DTNB: variants seen among roughly 807,000 people sequenced by gnomAD.
DTNB encodes dystrobrevin beta, also known as DTN-B.
A neutral mutation model predicts 90.7 loss-of-function variants in DTNB; 63 were observed. The ratio of observed to expected loss-of-function variants is 0.69; its 90% CI spans 0.57 to 0.86. The LOEUF (loss-of-function observed/expected upper bound fraction) is 0.86, where lower values mean the gene tolerates loss of function less well. DTNB is among the 40% of genes least tolerant of loss of function. DTNB has a pLI of 0.00. For synonymous variants in DTNB, 277 were observed against 286.7 expected, an observed-to-expected ratio of 0.97 and a Z score of 0.34; for missense variants, 744 against 807.1, an observed-to-expected ratio of 0.92 and a Z score of 0.95.
At chr2:25,532,299 TAA>T (rs2078386567) in intron 8 of DTNB, among the ~76,000 whole-genome samples, 1 of 146,510 alleles carries the variant, frequency 6.8e-6, no homozygotes, top group Non-Finnish European at 1.5e-5. Context: ...ACTAAAAGGC[TAA>T]GAGCACACAG....
chr2:25,496,941 C>A (rs1165220546), intron 9 of DTNB, among the ~76,000 whole-genome samples: 1 of 151,936 alleles, frequency 6.6e-6, no homozygotes, highest in East Asian at 1.9e-4. Context: ...TAAACACAAT[C>A]ATCATTAGCC....
At chr2:25,544,117 G>A (rs1190933574) in intron 8 of DTNB, among the ~76,000 whole-genome samples, 2 of 152,162 alleles carry the variant, frequency 1.3e-5, no homozygotes, top group East Asian at 3.9e-4. Flanking sequence ...GCAGCCCAGC[G>A]TGGGGGATGT....
intron 9 of DTNB, among the ~76,000 whole-genome samples, chr2:25,513,813 T>C (rs1194619565): frequency 6.6e-6 from 1 of 150,646 alleles, no homozygotes; most frequent in Non-Finnish European, 1.5e-5. Context: ...ACTGATATCA[T>C]TTAATAACCT....
At chr2:25,383,738 G>A (rs2038587429) in intron 19 of DTNB, 98 bp downstream of exon 19, 2 of 1,610,666 alleles carry the variant, frequency 1.2e-6, no homozygotes, top group South Asian at 1.1e-5. Context: ...TCTGGGAAAG[G>A]TGGTGGCAGG....
chr2:25,400,583 A>G (rs2149641258), intron 16 of DTNB, among the ~76,000 whole-genome samples: 1 of 152,350 alleles, frequency 6.6e-6, no homozygotes. Context: ...TATGTTGTCC[A>G]ATGATAGGCA....
intron 16 of DTNB, among the ~76,000 whole-genome samples, chr2:25,390,442 G>A (rs770127516): frequency 6.6e-6 from 1 of 150,678 alleles, no homozygotes; most frequent in African/African-American, 2.4e-5. Flanking sequence ...TTTTCTTTTC[G>A]TCTTCTCTTT....
At chr2:25,639,265 G>A (rs1351793352) in intron 2 of DTNB, 171 bp from the exon 3 acceptor site, 4 of 536,302 alleles carry the variant, frequency 7.5e-6, no homozygotes, top group Non-Finnish European at 1.3e-5. Flanking sequence ...GGAAACACGT[G>A]CATCTCCAGT....
At chr2:25,526,766 G>A (rs75031611) in intron 9 of DTNB, among the ~76,000 whole-genome samples, 1,768 of 152,164 alleles carry the variant, frequency 0.012, 38 homozygotes, top group African/African-American at 0.04. Context: ...AAACATACAC[G>A]ACGAGCACAT....
intron 9 of DTNB, among the ~76,000 whole-genome samples, chr2:25,498,244 C>G (rs2069477137): frequency 2.0e-5 from 3 of 152,104 alleles, no homozygotes; most frequent in Non-Finnish European, 4.4e-5. Flanking sequence ...ACCTCAGTGC[C>G]CGGGAAATAA....
rs530329843 is a variant in DTNB at position 25,653,432 on chromosome 2, T to TAA, written c.-1-773_-1-772dup. On this transcript the variant is annotated intron_variant, in intron 1 of 20. Coordinates refer to ENST00000406818, the MANE Select transcript of DTNB (RefSeq NM_021907.5). ...TAAGTCCAATTAAACGTTTTTTTTT[T>TAA]AAAAAAAAAAAAAAGAAAGAAGGAA... Among the ~76,000 whole-genome samples the TAA allele has an allele frequency of 1.2e-3, 171 of 138,550 alleles. 1 individual carries two copies. The highest frequency in any genetic ancestry group is 3.9e-3 in the African/African-American group (145 of 37,382). The allele number at this position is 138,550 out of a possible 152,430, so 90.9% of individuals were successfully genotyped here.
chr2:25,648,793 T>C (rs894395828), intron 2 of DTNB, among the ~76,000 whole-genome samples: 1 of 152,092 alleles, frequency 6.6e-6, no homozygotes, highest in Admixed American at 6.5e-5. Context: ...AAACATCTGA[T>C]AAAATTCAAT....
At chr2:25,636,030 A>G (rs2077053922) in intron 3 of DTNB, among the ~76,000 whole-genome samples, 1 of 152,228 alleles carries the variant, frequency 6.6e-6, no homozygotes, top group African/African-American at 2.4e-5. Context: ...GTTCATATTC[A>G]ATGAATGAAT....
intron 9 of DTNB, among the ~76,000 whole-genome samples, chr2:25,507,598 A>C (rs572276765): frequency 1.2e-4 from 18 of 152,090 alleles, no homozygotes; most frequent in Non-Finnish European, 2.1e-4. Flanking sequence ...TATTACCTCT[A>C]CTGTTATCCA....
chr2:25,378,287 C>T (rs377659215), intron 20 of DTNB, among the ~76,000 whole-genome samples: 2 of 152,200 alleles, frequency 1.3e-5, no homozygotes, highest in South Asian at 4.1e-4. Flanking sequence ...TCTCTCCAAG[C>T]CCCTGGGGCG....
intron 8 of DTNB, among the ~76,000 whole-genome samples, chr2:25,574,223 A>G (rs1356338157): frequency 6.6e-6 from 1 of 152,350 alleles, no homozygotes; most frequent in Non-Finnish European, 1.5e-5. Context: ...TAAGCTCCAC[A>G]GGGCAGGAGT....
intron 4 of DTNB, 82 bp from the exon 5 acceptor site, chr2:25,607,403 C>T (rs550133571): frequency 7.7e-5 from 103 of 1,330,176 alleles, no homozygotes; most frequent in Non-Finnish European, 1.0e-4. Flanking sequence ...CTGAGCAACC[C>T]AGTAAGTTGA....
chr2:25,395,713 T>C (rs1454445234), intron 16 of DTNB, among the ~76,000 whole-genome samples: 1 of 152,162 alleles, frequency 6.6e-6, no homozygotes, highest in East Asian at 1.9e-4. Flanking sequence ...TTTGTAGGTA[T>C]TTCTCATGTA....
chr2:25,609,980 A>G (rs1365307870), intron 4 of DTNB, among the ~76,000 whole-genome samples: 1 of 152,244 alleles, frequency 6.6e-6, no homozygotes, highest in African/African-American at 2.4e-5. Flanking sequence ...ACCTTAATTA[A>G]TAATAAAAGG....
chr2:25,585,285 T>C (rs2062179786), intron 6 of DTNB, among the ~76,000 whole-genome samples: 1 of 152,176 alleles, frequency 6.6e-6, no homozygotes, highest in Non-Finnish European at 1.5e-5. Context: ...CTATTAAACA[T>C]CTTGTTTTGT....
Sources: gnomAD v4.1 joint callset for allele counts (sites outside exome capture counted in the v4.1 genomes callset) on GRCh38, gnomAD v4.1.1 for gene constraint, MANE v1.5 for transcripts, NCBI Gene and HGNC (gene_info 2026-07-23, HGNC 2026-07-21) for gene names.